The following PCDH15 variants were observed in gnomAD, a reference collection of about 807,000 sequenced individuals.
The protein encoded by PCDH15 is protocadherin-15.
Under a neutral mutation model 178.5 loss-of-function variants are expected in PCDH15, and 129 were observed. That is an observed-to-expected ratio of 0.72 (90% CI 0.63 to 0.84). The LOEUF is 0.84. PCDH15 is among the 40% of genes least tolerant of loss of function. The probability of loss-of-function intolerance (pLI) is 0.00; values close to 1 mark genes in which losing one functional copy is unlikely to be tolerated. For missense variants in PCDH15, 2,230 were observed against 2,099.9 expected, an observed-to-expected ratio of 1.06 and a Z score of -1.21; for synonymous variants, 800 against 732.0, an observed-to-expected ratio of 1.09 and a Z score of -1.50.
chr10:54,862,503 C>A (rs55841078), intron 3 of PCDH15, among the ~76,000 whole-genome samples: 5 of 151,884 alleles, frequency 3.3e-5, no homozygotes, highest in Admixed American at 3.3e-4. Flanking sequence ...AGCTTATATG[C>A]GGCTTGTCCC....
intron 1 of PCDH15, among the ~76,000 whole-genome samples, chr10:55,289,727 A>G (rs565886433): frequency 1.3e-5 from 2 of 152,192 alleles, no homozygotes; most frequent in South Asian, 2.1e-4. Flanking sequence ...GTATCCCCCA[A>G]CAGTTCATGT....
intron 17 of PCDH15, among the ~76,000 whole-genome samples, chr10:54,078,507 G>A (rs866288960): frequency 5.9e-5 from 9 of 151,810 alleles, no homozygotes; most frequent in African/African-American, 2.2e-4. Flanking sequence ...TATTTAAATT[G>A]AGTGAGCCTT....
At position 53,807,062 on chromosome 10, in the gene PCDH15, G is replaced by GTCT; in HGVS notation, c.4737_4739dup (p.Glu1579dup). 1 of 1,613,174 alleles carries GTCT rather than the reference G, an allele frequency of 6.2e-7. No homozygotes were observed. The highest frequency in any genetic ancestry group is 8.5e-7 in the Non-Finnish European group (1 of 1,179,754). ...GGTTTCTCTGACATTCAGGAGCACTGTCTTCTCCAGTTGAGCTGGTTTCAT... is the reference window on the plus strand; with the variant it reads ...GGTTTCTCTGACATTCAGGAGCACTGTCTTCTTCTCCAGTTGAGCTGGTTTCAT... On this transcript the variant is annotated inframe_insertion, in exon 38 of 38. Transcript: ENST00000644397.
intron 1 of PCDH15, among the ~76,000 whole-genome samples, chr10:54,690,903 T>C (rs2095109665): frequency 6.6e-6 from 1 of 152,176 alleles, no homozygotes; most frequent in Non-Finnish European, 1.5e-5. Flanking sequence ...TCCAATTTTT[T>C]TCTCAACTTG....
chr10:54,805,429 T>C (rs1340457023), upstream of PCDH15, among the ~76,000 whole-genome samples: 1 of 152,186 alleles, frequency 6.6e-6, no homozygotes, highest in Non-Finnish European at 1.5e-5. Flanking sequence ...CTGTTGGTTA[T>C]AATCACAAAA....
At chr10:55,099,387 C>T (rs1842523873) in intron 2 of PCDH15, among the ~76,000 whole-genome samples, 1 of 151,952 alleles carries the variant, frequency 6.6e-6, no homozygotes, top group African/African-American at 2.4e-5. Context: ...TAAGCTGCTA[C>T]TACTAAAATA....
At chr10:55,318,063 G>A (rs1843774900) in intron 1 of PCDH15, among the ~76,000 whole-genome samples, 1 of 152,156 alleles carries the variant, frequency 6.6e-6, no homozygotes, top group South Asian at 2.1e-4. Context: ...CAAGTTTAGA[G>A]CGTAAAACAA....
chr10:54,666,515 TA>T (rs1485017997), intron 1 of PCDH15, among the ~76,000 whole-genome samples: 2 of 152,050 alleles, frequency 1.3e-5, no homozygotes, highest in Admixed American at 6.6e-5. Flanking sequence ...AGAGACATTC[TA>T]ACCCCCTTCA....
intron 25 of PCDH15, among the ~76,000 whole-genome samples, chr10:53,913,208 T>C (rs1014515874): frequency 5.4e-4 from 82 of 152,182 alleles, no homozygotes; most frequent in African/African-American, 1.9e-3. Flanking sequence ...CCCTATTTAA[T>C]GAATGGTGCT....
chr10:54,519,957 T>A (rs186965217), intron 3 of PCDH15, among the ~76,000 whole-genome samples: 10 of 152,302 alleles, frequency 6.6e-5, no homozygotes, highest in Admixed American at 3.9e-4. Context: ...AAACAAGTAA[T>A]GGGGAAAGGA....
At chr10:54,750,003 A>G (rs1361862450) in intron 1 of PCDH15, among the ~76,000 whole-genome samples, 1 of 151,466 alleles carries the variant, frequency 6.6e-6, no homozygotes, top group Non-Finnish European at 1.5e-5. Context: ...GTAGACAAGG[A>G]GGGGTCTTAC....
intron 28 of PCDH15, among the ~76,000 whole-genome samples, chr10:53,851,537 G>A (rs553406898): frequency 6.6e-6 from 1 of 150,994 alleles, no homozygotes; most frequent in Admixed American, 6.6e-5. Context: ...ATGAGCCTAG[G>A]TTCTCTGAAA....
At chr10:54,667,295 G>A (rs575186494) in intron 1 of PCDH15, among the ~76,000 whole-genome samples, 5 of 151,802 alleles carry the variant, frequency 3.3e-5, no homozygotes, top group African/African-American at 7.2e-5. Flanking sequence ...ACATCAACCC[G>A]ATACCCCAAA....
intron 10 of PCDH15, among the ~76,000 whole-genome samples, chr10:54,209,762 T>C (rs1311850588): frequency 6.6e-6 from 1 of 152,098 alleles, no homozygotes; most frequent in Admixed American, 6.6e-5. Context: ...TTAGGGAAAT[T>C]GAAAACTAGC....
chr10:53,826,675 A>G (rs2076701181), intron 32 of PCDH15, among the ~76,000 whole-genome samples: 1 of 152,120 alleles, frequency 6.6e-6, no homozygotes, highest in African/African-American at 2.4e-5. Context: ...TATACAAGCA[A>G]CTGTGAGGTC....
At chr10:55,209,296 C>A (rs1004460795) in intron 1 of PCDH15, among the ~76,000 whole-genome samples, 5 of 152,070 alleles carry the variant, frequency 3.3e-5, no homozygotes, top group Non-Finnish European at 5.9e-5. Flanking sequence ...TAAAAACTGT[C>A]TTTTATTCTA....
At chr10:55,569,769 T>C (rs1842371266) in intron 2 of PCDH15, among the ~76,000 whole-genome samples, 2 of 152,104 alleles carry the variant, frequency 1.3e-5, no homozygotes, top group South Asian at 4.1e-4. Context: ...ATAAAAAGTA[T>C]GATATTTAAT....
intron 2 of PCDH15, chr10:54,585,518 T>G: frequency 4.1e-6 from 1 of 241,910 alleles, no homozygotes; most frequent in Non-Finnish European, 8.7e-6. Flanking sequence ...TAAGAACAAT[T>G]TTTAATTTTT....
intron 20 of PCDH15, among the ~76,000 whole-genome samples, chr10:54,018,907 A>G (rs1038342851): frequency 6.6e-6 from 1 of 152,132 alleles, no homozygotes; most frequent in Non-Finnish European, 1.5e-5. Flanking sequence ...CATAGATACA[A>G]CTGTGAATAA....
Sources: allele counts gnomAD v4.1 joint callset (sites outside exome capture counted in the v4.1 genomes callset), GRCh38; gene constraint gnomAD v4.1.1; transcripts MANE v1.5; gene names NCBI Gene and HGNC (gene_info 2026-07-23, HGNC 2026-07-21).